RPS6KL1: variants seen among roughly 807,000 people sequenced by gnomAD.
RPS6KL1 encodes ribosomal protein S6 kinase-like 1.
RPS6KL1 carries 41 observed loss-of-function variants against 57.0 expected under a neutral mutation model. The observed-to-expected ratio is 0.72, with a 90% CI of 0.56 to 0.93. RPS6KL1 has a LOEUF of 0.93. RPS6KL1 is among the 40% of genes least tolerant of loss of function. RPS6KL1 has a pLI of 0.00. For missense variants in RPS6KL1, 697 were observed against 727.7 expected, an observed-to-expected ratio of 0.96 and a Z score of 0.49; for synonymous variants, 287 against 309.7, an observed-to-expected ratio of 0.93 and a Z score of 0.77.
chr14:74,919,883 G>C lies in RPS6KL1; in HGVS notation c.352C>G (p.Leu118Val), dbSNP rs752743708. The C allele has an allele frequency of 2.5e-6, 4 of 1,613,752 alleles. No individual in the cohort carries two copies. In the African/African-American group the frequency reaches 5.3e-5, roughly 22 times the overall value. Residue 118 changes from leucine to valine, a missense_variant, in exon 4 of 12, where the codon CTG becomes GTG. By Grantham distance (32) the Leu-to-Val change is conservative. Transcript: ENST00000557413. ...GCTCCACTGCTCAGCGGCCGCTGCA[G>C]GTGGCAGTTGAAGATCTCCTCTGCC... is the stretch of plus-strand genomic sequence containing the variant. ...RRAEEIFNCH[L>V]QRPLSSGASP...
chr14:74,916,659 CT>C (rs1886895608), intron 5 of RPS6KL1, among the ~76,000 whole-genome samples: 1 of 151,772 alleles, frequency 6.6e-6, no homozygotes, highest in South Asian at 2.1e-4. Flanking sequence ...CCAGCCTGAG[CT>C]ACAGAGCGAG....
At chr14:74,915,335 T>C (rs1886661671) in intron 5 of RPS6KL1, among the ~76,000 whole-genome samples, 1 of 152,340 alleles carries the variant, frequency 6.6e-6, no homozygotes, top group South Asian at 2.1e-4. Context: ...GAAGGTTCCA[T>C]ACAACTGTCG....
chr14:74,908,145 C>T (rs753792312), intron 10 of RPS6KL1, among the ~76,000 whole-genome samples: 18 of 152,308 alleles, frequency 1.2e-4, no homozygotes, highest in East Asian at 1.2e-3. Context: ...TGCCATGGGA[C>T]GAAAGCAGGA....
intron 5 of RPS6KL1, among the ~76,000 whole-genome samples, chr14:74,912,151 A>C (rs1886108628): frequency 6.6e-6 from 1 of 151,970 alleles, no homozygotes; most frequent in Non-Finnish European, 1.5e-5. Flanking sequence ...ACACTGTCTA[A>C]TCTGTCTCCC....
At position 74,909,987 on chromosome 14, in the gene RPS6KL1, T is replaced by C. The variant is rs759422652; in HGVS notation, c.826A>G (p.Ile276Val). The C allele has an allele frequency of 6.2e-7, 1 of 1,614,076 alleles. No homozygotes were observed. Among genetic ancestry groups the C allele is most frequent in the Non-Finnish European group, 8.5e-7 (1 of 1,179,974 alleles). Residue 276 changes from isoleucine to valine, a missense_variant, in exon 8 of 12, where the codon ATC becomes GTC. Physicochemically the swap from Ile to Val is conservative, Grantham distance 29. Coordinates refer to ENST00000557413, the MANE Select transcript of RPS6KL1 (RefSeq NM_031464.5). ...PSGHAPGQDR[I>V]ALEPPRTSPN... ...GAAGTCCTAGGAGGCTCCAGGGCGA[T>C]TCTGTCCTGGCCAGGGGCATGGCCT...
chr14:74,910,087 A>C lies in RPS6KL1; in HGVS notation c.726T>G (p.Ser242=), dbSNP rs139510274. The C allele has an allele frequency of 2.1e-5, 33 of 1,597,964 alleles. No homozygotes were observed. The African/African-American group carries it at 4.0e-4, about 19-fold the overall frequency. The change falls in exon 8 of 12, where the codon TCT becomes TCG. Residue 242 remains serine, a synonymous_variant. Transcript: ENST00000557413. Reference sequence around the variant, plus strand: ...CCTTCATCCTCTCCTGGGTAGAGCCAGAGCTGAGCCCAGAATGTCGGGAGT... The same window carrying C: ...CCTTCATCCTCTCCTGGGTAGAGCCCGAGCTGAGCCCAGAATGTCGGGAGT... ...QAHSRHSGLS[S]GSTQERMKAQ...
Position 74,910,106 on chromosome 14 carries a change from CG to C in RPS6KL1, c.706del (p.Arg236AspfsTer14). The stretch of plus-strand genomic sequence containing the variant: ...AGAGCCAGAGCTGAGCCCAGAATGT[CG>C]GGAGTGCGCCTGGGAGAGCAGGTGG... ...WSHLLSQAHSRHSGLSSGSTQ... is the reference protein window; with the variant it reads ...WSHLLSQAHSXHSGLSSGSTQ... On this transcript the variant is annotated frameshift_variant, in exon 8 of 12. Coordinates refer to ENST00000557413, the MANE Select transcript of RPS6KL1 (RefSeq NM_031464.5). LOFTEE classifies it high-confidence loss of function. The C allele has an allele frequency of 1.3e-6, 2 of 1,579,596 alleles. No individual in the cohort carries two copies. The highest frequency in any genetic ancestry group is 1.7e-6 in the Non-Finnish European group (2 of 1,163,786).
chr14:74,921,789 T>TTC, intron 2 of RPS6KL1, 189 bp downstream of exon 2: 1 of 1,326,270 alleles, frequency 7.5e-7, no homozygotes, highest in Non-Finnish European at 9.7e-7. Flanking sequence ...TTTTTTTTTT[T>TTC]TTTTTTGAGT....
intron 3 of RPS6KL1, 39 bp downstream of exon 3, chr14:74,921,238 T>TACCCCCCCCCCCC: frequency 7.1e-6 from 6 of 840,178 alleles, no homozygotes; most frequent in African/African-American, 1.7e-5. Context: ...CACTGGCCCT[T>TACCCCCCCCCCCC]CCCCACCCAC....
At position 74,906,423 on chromosome 14, in the gene RPS6KL1, T is replaced by TGG. The variant is rs1884863287; in HGVS notation, c.*589_*590dup. 3 of 192,618 alleles carry TGG rather than the reference T, an allele frequency of 1.6e-5. No individual in the cohort carries two copies. Among genetic ancestry groups the TGG allele is most frequent in the African/African-American group, 1.4e-4 (2 of 14,062 alleles). The allele number at this position is 192,618 out of a possible 1,614,324, so 11.9% of individuals were successfully genotyped here. The stretch of plus-strand genomic sequence containing the variant: ...GGAATCGGGGGTGGGGGGGTGGGGG[T>TGG]GGGGGTCATCCTGTCCCCTACCTCA... On this transcript the variant is annotated 3_prime_UTR_variant, in exon 12 of 12. Transcript: ENST00000557413.
rs1566805812 is a variant in RPS6KL1 at position 74,906,416 on chromosome 14, G to GGT, written c.*597_*598insAC. The GGT allele has an allele frequency of 3.1e-6, 1 of 318,102 alleles. No individual in the cohort carries two copies. Among genetic ancestry groups the GGT allele is most frequent in the African/African-American group, 2.6e-5 (1 of 38,666 alleles). The allele number at this position is 318,102 out of a possible 1,614,324, so 19.7% of individuals were successfully genotyped here. On this transcript the variant is annotated 3_prime_UTR_variant, in exon 12 of 12. Coordinates refer to ENST00000557413, the MANE Select transcript of RPS6KL1 (RefSeq NM_031464.5). ...ATGGTCAGGAATCGGGGGTGGGGGGGTGGGGGTGGGGGTCATCCTGTCCCC... is the reference window on the plus strand; with the variant it reads ...ATGGTCAGGAATCGGGGGTGGGGGGGGTTGGGGGTGGGGGTCATCCTGTCCCC...
In RPS6KL1 at chr14:74,917,271, G is replaced by A. The variant is rs368956138; in HGVS notation, c.483+1242C>T. On this transcript the variant is annotated intron_variant, in intron 5 of 11. Transcript: ENST00000557413. ...TACCTCCCAGATCACCCCATTGGGG[G>A]AGAATTCTCATCTCACTTTCCAGAG... is the stretch of plus-strand genomic sequence containing the variant. 1.5e-4 allele frequency among the ~76,000 whole-genome samples: 23 copies of A among 152,366 alleles called. 3 individuals carry two copies. Among genetic ancestry groups the A allele is most frequent in the Admixed American group, 1.3e-3 (20 of 15,308 alleles).
rs1884877277 is a variant in RPS6KL1, at chr14:74,906,474, C to G, written c.*540G>C. The G allele has an allele frequency of 2.2e-6, 1 of 453,400 alleles. No individual in the cohort carries two copies. The highest frequency in any genetic ancestry group is 4.6e-6 in the Non-Finnish European group (1 of 215,704). 28.1% of individuals were successfully genotyped at this position (453,400 alleles called of 1,614,324 possible). A position where few individuals can be genotyped will look rare whatever the true frequency, so the allele number is the denominator to read the frequency against. The stretch of plus-strand genomic sequence containing the variant: ...TCCCTCCCTGCACAACAGATGGCAT[C>G]CCTGCTTCTGGGCCTCCCCAGCTGC... On this transcript the variant is annotated 3_prime_UTR_variant, in exon 12 of 12. Transcript: ENST00000557413.
chr14:74,907,819 G>A (rs1447872041), intron 10 of RPS6KL1, among the ~76,000 whole-genome samples: 3 of 152,212 alleles, frequency 2.0e-5, no homozygotes, highest in Non-Finnish European at 4.4e-5. Context: ...GTTGCAATCA[G>A]GGCAGGCACT....
Position 74,922,272 on chromosome 14 carries a change from T to C in RPS6KL1, c.-315A>G, listed in dbSNP as rs2140370794. ...CCACACACGCTGGGCTCAAATGCTG[T>C]TCCTCATGCTGTTCCCTCCACCCTG... On this transcript the variant is annotated 5_prime_UTR_variant, in exon 2 of 12. Transcript: ENST00000557413. 3.0e-6 allele frequency: 3 copies of C among 986,038 alleles called. No homozygotes were observed. The highest frequency in any genetic ancestry group is 1.7e-5 in the African/African-American group (1 of 57,354). The allele number at this position is 986,038 out of a possible 1,614,324, so 61.1% of individuals were successfully genotyped here. A position where few individuals can be genotyped will look rare whatever the true frequency, so the allele number is the denominator to read the frequency against.
rs563073391 is a variant in RPS6KL1 at position 74,919,828 on chromosome 14, G to C, written c.390+17C>G. 61 of 1,491,558 alleles carry C rather than the reference G, an allele frequency of 4.1e-5. No individual in the cohort carries two copies. The highest frequency in any genetic ancestry group is 1.4e-4 in the African/African-American group (7 of 49,064). The allele number at this position is 1,491,558 out of a possible 1,614,324, so 92.4% of individuals were successfully genotyped here. On this transcript the variant is annotated intron_variant, in intron 4 of 11. Transcript: ENST00000557413. ...CCTCCTCCCGCTCAGGCCTTTGGGT[G>C]GGGGGGGTCTCCTCACCGCGCTGGG...
At chr14:74,910,328 T>A in intron 7 of RPS6KL1, 180 bp from the exon 8 acceptor site, 1 of 560,712 alleles carries the variant, frequency 1.8e-6, no homozygotes, top group Non-Finnish European at 2.9e-6. Flanking sequence ...TAGAATGCCC[T>A]CTGCCCTCCT....
intron 1 of RPS6KL1, among the ~76,000 whole-genome samples, 167 bp downstream of exon 1, chr14:74,923,013 C>G (rs2140377567): frequency 6.6e-6 from 1 of 152,272 alleles, no homozygotes. Flanking sequence ...TCCACCCCGC[C>G]GGGCAGGGTC....
At chr14:74,914,671 G>A (rs1886557055) in intron 5 of RPS6KL1, among the ~76,000 whole-genome samples, 1 of 152,172 alleles carries the variant, frequency 6.6e-6, no homozygotes, top group Non-Finnish European at 1.5e-5. Context: ...TTACTCAGTG[G>A]TTTGGAGGAT....
Sources: allele counts gnomAD v4.1 joint callset (sites outside exome capture counted in the v4.1 genomes callset), GRCh38; gene constraint gnomAD v4.1.1; transcripts MANE v1.5; gene names NCBI Gene and HGNC (gene_info 2026-07-23, HGNC 2026-07-21).